GPN3: variants seen among roughly 807,000 people sequenced by gnomAD.
The protein encoded by GPN3 is GPN-loop GTPase 3.
GPN3 carries 31 observed loss-of-function variants against 38.7 expected under a neutral mutation model. The ratio of observed to expected loss-of-function variants is 0.80; its 90% CI spans 0.60 to 1.08. GPN3 has a LOEUF of 1.08. Among genes scored for constraint, GPN3 ranks in the 50% least tolerant of loss-of-function variants. The pLI is 0.00. For missense variants in GPN3, 301 were observed against 354.4 expected, an observed-to-expected ratio of 0.85 and a Z score of 1.21; for synonymous variants, 116 against 120.2, an observed-to-expected ratio of 0.96 and a Z score of 0.23.
chr12:110,465,085 G>A (rs1173870247), intron 2 of GPN3, 21 bp downstream of exon 2: 4 of 1,271,368 alleles, frequency 3.1e-6, no homozygotes, highest in Non-Finnish European at 4.6e-6. Context: ...AAGGTGGGGG[G>A]AGCCTTTGCT....
intron 4 of GPN3, among the ~76,000 whole-genome samples, chr12:110,456,677 C>T (rs1301593680): frequency 1.3e-5 from 2 of 150,460 alleles, no homozygotes; most frequent in African/African-American, 4.9e-5. Flanking sequence ...GTTTTTTCTC[C>T]CCCACTACTT....
intron 2 of GPN3, among the ~76,000 whole-genome samples, chr12:110,463,151 G>A (rs1020079317): frequency 6.6e-6 from 1 of 152,126 alleles, no homozygotes; most frequent in Admixed American, 6.6e-5. Flanking sequence ...CAAGTGCGGT[G>A]GCTCATGCCT....
In GPN3 at chr12:110,458,405, G is replaced by A. The variant is rs2062564854; in HGVS notation, c.326-771C>T. 6.6e-6 allele frequency among the ~76,000 whole-genome samples: 1 copy of A among 152,138 alleles called. No homozygotes were observed. Among genetic ancestry groups the A allele is most frequent in the Non-Finnish European group, 1.5e-5 (1 of 68,024 alleles). On this transcript the variant is annotated intron_variant, in intron 3 of 7. Transcript: ENST00000228827. The surrounding 1 kb of genome is among the most constrained non-coding windows in gnomAD (Gnocchi z 4.4). ...ACTTATGACATATATACTTTTCTGT[G>A]GGTATATGTATGGTCAATTAAAAGC...
chr12:110,466,117 T>A (rs962713802), intron 1 of GPN3, among the ~76,000 whole-genome samples: 1 of 151,990 alleles, frequency 6.6e-6, no homozygotes, highest in East Asian at 1.9e-4. Context: ...GTCTGTGTCA[T>A]ACTCTGTTTA....
At position 110,453,836 on chromosome 12, in the gene GPN3, G is replaced by T. The variant is rs1000288999; in HGVS notation, c.699C>A (p.Tyr233Ter). 4 of 1,603,364 alleles carry T rather than the reference G, an allele frequency of 2.5e-6. No homozygotes were observed. Among genetic ancestry groups the T allele is most frequent in the Non-Finnish European group, 3.4e-6 (4 of 1,170,362 alleles). The change falls in exon 7 of 8, where the codon TAC becomes TAA. Residue 233 changes from tyrosine (Y) to a stop codon, truncating the protein, a stop_gained. Transcript: ENST00000228827. LOFTEE classifies it high-confidence loss of function. ...TCATGCTTTCTTCATCTGACTGATC[G>T]TAAGGTAAAAATCGAACCATGCTGT... ...DDYSMVRFLPYDQSDEESMNI... is the reference protein window; with the variant it reads ...DDYSMVRFLP
chr12:110,452,811 AC>A lies in GPN3; in HGVS notation c.*222del. 2.2e-6 allele frequency: 1 copy of A among 453,308 alleles called. No homozygotes were observed. The highest frequency in any genetic ancestry group is 3.8e-5 in the Admixed American group (1 of 26,524). 28.1% of individuals were successfully genotyped at this position (453,308 alleles called of 1,614,324 possible). A position where few individuals can be genotyped will look rare whatever the true frequency, so the allele number is the denominator to read the frequency against. On this transcript the variant is annotated 3_prime_UTR_variant, in exon 8 of 8. Coordinates refer to ENST00000228827, the MANE Select transcript of GPN3 (RefSeq NM_016301.4). ...TGTGCATTCATTTCAATTTTGACTTACAAAATCTAAAGTGATGCTGTTATAA... is the reference window on the plus strand; with the variant it reads ...TGTGCATTCATTTCAATTTTGACTTAAAAATCTAAAGTGATGCTGTTATAA...
rs1009073978 is a variant in GPN3, at chr12:110,461,291, C to G, written c.158-1429G>C. The G allele has an allele frequency of 2.6e-5, 34 of 1,289,374 alleles. No individual in the cohort carries two copies. The South Asian group carries it at 3.3e-4, about 13-fold the overall frequency. 79.9% of individuals were successfully genotyped at this position (1,289,374 alleles called of 1,614,324 possible). A position where few individuals can be genotyped will look rare whatever the true frequency, so the allele number is the denominator to read the frequency against. On this transcript the variant is annotated intron_variant, in intron 2 of 7. Coordinates refer to ENST00000228827, the MANE Select transcript of GPN3 (RefSeq NM_016301.4). ...TGAGGATGAAGATTCACCAAATAAG[C>G]CATATACTTTGGTTACCTATGTACC...
chr12:110,458,161 C>T lies in GPN3; in HGVS notation c.326-527G>A, dbSNP rs1247378027. On this transcript the variant is annotated intron_variant, in intron 3 of 7. Transcript: ENST00000228827. The surrounding 1 kb of genome is among the most constrained non-coding windows in gnomAD (Gnocchi z 4.4). ...GAAAGAAAGAAAATGAGGTTCTTCA[C>T]ACTTTAGTTTTCTGCCAATCAATAT... 6.6e-6 allele frequency among the ~76,000 whole-genome samples: 1 copy of T among 151,766 alleles called. No homozygotes were observed. Among genetic ancestry groups the T allele is most frequent in the Admixed American group, 6.6e-5 (1 of 15,214 alleles).
chr12:110,468,222 C>G lies in GPN3; in HGVS notation c.-19G>C. On this transcript the variant is annotated 5_prime_UTR_variant, in exon 1 of 8. Transcript: ENST00000228827. ...GAGGCATGTTGGCTCCCGGAGCCGC[C>G]CGCCACACTCCCTTAGCCTTCGCGC... 6.2e-7 allele frequency: 1 copy of G among 1,607,864 alleles called. No individual in the cohort carries two copies. The highest frequency in any genetic ancestry group is 8.5e-7 in the Non-Finnish European group (1 of 1,179,988).
At chr12:110,468,447 T>C (rs370132105), upstream of GPN3, 55 of 1,535,710 alleles carry the variant, frequency 3.6e-5, no homozygotes, top group African/African-American at 6.7e-4. Flanking sequence ...AATCGGCCGT[T>C]GGGATGCTGT....
At position 110,452,818 on chromosome 12, in the gene GPN3, C is replaced by T. The variant is rs2062521403; in HGVS notation, c.*216G>A. The T allele has an allele frequency of 4.3e-6, 2 of 469,028 alleles. No homozygotes were observed. Among genetic ancestry groups the T allele is most frequent in the Non-Finnish European group, 7.7e-6 (2 of 259,832 alleles). 29.1% of individuals were successfully genotyped at this position (469,028 alleles called of 1,614,324 possible). ...TCATTTCAATTTTGACTTACAAAAT[C>T]TAAAGTGATGCTGTTATAATACTAA... is the stretch of plus-strand genomic sequence containing the variant. On this transcript the variant is annotated 3_prime_UTR_variant, in exon 8 of 8. Transcript: ENST00000228827.
intron 6 of GPN3, among the ~76,000 whole-genome samples, chr12:110,454,136 A>G (rs2062533516): frequency 6.6e-6 from 1 of 152,190 alleles, no homozygotes; most frequent in Non-Finnish European, 1.5e-5. Flanking sequence ...AACCACTGGA[A>G]ATTTCACAAG....
At chr12:110,468,529 C>T (rs1466742313), upstream of GPN3, 7 of 1,537,168 alleles carry the variant, frequency 4.6e-6, no homozygotes, top group South Asian at 1.2e-5. Flanking sequence ...TGCTTCGGTC[C>T]GTGGTTTGCG....
In GPN3 at chr12:110,453,733, C is replaced by T; in HGVS notation, c.792+10G>A. ...TCAAAAGCTAACAAACACCCCAAAC[C>T]AGAAATTACCTTTGGTTCTTTAAAT... On this transcript the variant is annotated intron_variant, in intron 7 of 7. Transcript: ENST00000228827. The T allele has an allele frequency of 6.2e-7, 1 of 1,605,182 alleles. No homozygotes were observed. The highest frequency in any genetic ancestry group is 2.2e-5 in the East Asian group (1 of 44,814).
At chr12:110,457,884 TTGG>T (rs2062561516) in intron 3 of GPN3, among the ~76,000 whole-genome samples, 1 of 152,042 alleles carries the variant, frequency 6.6e-6, no homozygotes, top group Non-Finnish European at 1.5e-5. Context: ...TCCCAGCACT[TTGG>T]GAGGCTGTGG....
At chr12:110,466,077 C>CAA (rs879788319) in intron 1 of GPN3, among the ~76,000 whole-genome samples, 1 of 122,142 alleles carries the variant, frequency 8.2e-6, no homozygotes, top group Non-Finnish European at 1.8e-5. Flanking sequence ...ACTCCTGGCT[C>CAA]AAAAAAAAAA....
At chr12:110,462,846 T>C (rs1215561631) in intron 2 of GPN3, among the ~76,000 whole-genome samples, 4 of 152,062 alleles carry the variant, frequency 2.6e-5, no homozygotes, top group Non-Finnish European at 5.9e-5. Flanking sequence ...AAGCTCCGCC[T>C]CCCGGGTGCA....
At chr12:110,464,829 G>A (rs1192858258) in intron 2 of GPN3, 2 of 360,972 alleles carry the variant, frequency 5.5e-6, no homozygotes, top group Admixed American at 3.8e-5. Flanking sequence ...TCCTGACCTC[G>A]TGATCCACCC....
At chr12:110,468,406 G>T (rs2062653053), upstream of GPN3, 2 of 1,532,366 alleles carry the variant, frequency 1.3e-6, no homozygotes, top group South Asian at 2.4e-5. Context: ...CGAGGGAGAG[G>T]ATTTGCGCGT....
Sources: gnomAD v4.1 joint callset for allele counts (sites outside exome capture counted in the v4.1 genomes callset) on GRCh38, gnomAD v4.1.1 for gene constraint, Gnocchi (gnomAD v3.1) non-coding constraint, MANE v1.5 for transcripts, NCBI Gene and HGNC (gene_info 2026-07-23, HGNC 2026-07-21) for gene names.